AARS2: variants seen among roughly 807,000 people sequenced by gnomAD.
AARS2 encodes the protein alanyl-tRNA synthetase 2, mitochondrial.
In AARS2, 78 loss-of-function variants were observed where a neutral mutation model predicts 119.7. That is an observed-to-expected ratio of 0.65 (90% CI 0.54 to 0.79). AARS2 has a LOEUF of 0.79. Among genes scored for constraint, AARS2 ranks in the 30% least tolerant of loss-of-function variants. AARS2 has a pLI of 0.00. For synonymous variants in AARS2, 502 were observed against 526.3 expected, an observed-to-expected ratio of 0.95 and a Z score of 0.63; for missense variants, 1,157 against 1,291.3, an observed-to-expected ratio of 0.90 and a Z score of 1.59.
chr6:44,309,531 C>T (rs1786170734), intron 5 of AARS2, among the ~76,000 whole-genome samples: 1 of 152,212 alleles, frequency 6.6e-6, no homozygotes, highest in African/African-American at 2.4e-5. Context: ...GTTTTTGGCA[C>T]ATGTCAAGCC....
At position 44,307,048 on chromosome 6, in the gene AARS2, C is replaced by G. The variant is rs1429082989; in HGVS notation, c.1041-17G>C. ...AGAACCAGCCTAAAGGGGTTCAGAG[C>G]CCAGACATGAATCCCCAGCGGCTCA... is the stretch of plus-strand genomic sequence containing the variant. On this transcript the variant is annotated splice_polypyrimidine_tract_variant and intron_variant, in intron 6 of 21. Transcript: ENST00000244571. This position sits in a 1 kb window ranked among gnomAD's most constrained non-coding sequence, Gnocchi z 4.4. 6.2e-7 allele frequency: 1 copy of G among 1,613,756 alleles called. No homozygotes were observed. The highest frequency in any genetic ancestry group is 2.2e-5 in the East Asian group (1 of 44,870).
At chr6:44,312,342 G>A in intron 1 of AARS2, 79 bp from the exon 2 acceptor site, 8 of 1,453,516 alleles carry the variant, frequency 5.5e-6, no homozygotes, top group African/African-American at 2.8e-5. Flanking sequence ...GTGAGGATAG[G>A]GATGGCTGTT....
chr6:44,306,389 G>C lies in AARS2; in HGVS notation c.1191C>G (p.Ile397Met). 2 of 1,614,016 alleles carry C rather than the reference G, an allele frequency of 1.2e-6. No individual in the cohort carries two copies. Among genetic ancestry groups the C allele is most frequent in the Non-Finnish European group, 1.7e-6 (2 of 1,180,002 alleles). ...CCTCGTCCTCTGACACCAGGTTGGCGATCTGAACCAGGCAGAGAAGAAGTG... is the reference window on the plus strand; with the variant it reads ...CCTCGTCCTCTGACACCAGGTTGGCCATCTGAACCAGGCAGAGAAGAAGTG... The part of the protein sequence containing the change: ...YPELQRNSAQ[I>M]ANLVSEDEAA... The change falls in exon 9 of 22, where the codon ATC (isoleucine) becomes ATG (methionine). Residue 397 changes from isoleucine (I) to methionine (M), a missense_variant and splice_region_variant. Transcript: ENST00000244571.
In AARS2 at chr6:44,304,279, G is replaced by C. The variant is rs1304455591; in HGVS notation, c.1909C>G (p.Leu637Val). 2.5e-6 allele frequency: 4 copies of C among 1,614,206 alleles called. No homozygotes were observed. The highest frequency in any genetic ancestry group is 3.4e-6 in the Non-Finnish European group (4 of 1,180,026). Residue 637 changes from leucine to valine, a missense_variant, in exon 14 of 22, where the codon CTG becomes GTG. Transcript: ENST00000244571. ...GCMAKHTATH[L>V]LNWALRQTLG... ...GTCTGCCTCAGTGCCCAGTTCAGCA[G>C]GTGGGTGGCCGTATGCTTCGCCATG... is the stretch of plus-strand genomic sequence containing the variant.
intron 18 of AARS2, 49 bp downstream of exon 18, chr6:44,302,342 G>A: frequency 6.2e-7 from 1 of 1,613,768 alleles, no homozygotes; most frequent in Non-Finnish European, 8.5e-7. Context: ...GGAGGAATAG[G>A]GGAGGTAATA....
intron 5 of AARS2, among the ~76,000 whole-genome samples, chr6:44,308,110 T>C (rs1786019801): frequency 6.6e-6 from 1 of 152,222 alleles, no homozygotes; most frequent in Non-Finnish European, 1.5e-5. Context: ...TTGTCTCTAC[T>C]TCCACTGCTA....
intron 1 of AARS2, 134 bp from the exon 2 acceptor site, chr6:44,312,397 G>T: frequency 2.3e-6 from 2 of 882,870 alleles, no homozygotes; most frequent in Non-Finnish European, 3.4e-6. Flanking sequence ...GTGTAATCTT[G>T]GTCTATGAGG....
chr6:44,306,655 G>A (rs1785881122), intron 7 of AARS2, 123 bp from the exon 8 acceptor site: 2 of 1,225,934 alleles, frequency 1.6e-6, no homozygotes, highest in Non-Finnish European at 2.4e-6. Context: ...GGCTGGGAGA[G>A]GGACTCAAAT....
Position 44,305,519 on chromosome 6 carries a change from A to G in AARS2, c.1434+134T>C. 1 of 1,416,108 alleles carries G rather than the reference A, an allele frequency of 7.1e-7. No homozygotes were observed. The highest frequency in any genetic ancestry group is 1.9e-5 in the Admixed American group (1 of 51,362). 87.7% of individuals were successfully genotyped at this position (1,416,108 alleles called of 1,614,324 possible). On this transcript the variant is annotated intron_variant, in intron 10 of 21. Transcript: ENST00000244571. The surrounding 1 kb of genome is among the most constrained non-coding windows in gnomAD (Gnocchi z 4.6). ...CTGGTTGTGGCCTGAGGTTTTAGAA[A>G]CCTCCCAGGTGAGGGGACAGATCCT...
chr6:44,305,938 G>T lies in AARS2; in HGVS notation c.1301-152C>A. Reference sequence around the variant, plus strand: ...CATACTGGGTAGCCTCAGGAGAGGGGTCACATTCAGGCTTCATGCCTCAAG... The same window carrying T: ...CATACTGGGTAGCCTCAGGAGAGGGTTCACATTCAGGCTTCATGCCTCAAG... On this transcript the variant is annotated intron_variant, in intron 9 of 21. Transcript: ENST00000244571. This position sits in a 1 kb window ranked among gnomAD's most constrained non-coding sequence, Gnocchi z 4.6. 2 of 967,060 alleles carry T rather than the reference G, an allele frequency of 2.1e-6. No homozygotes were observed. The highest frequency in any genetic ancestry group is 3.2e-6 in the Non-Finnish European group (2 of 631,888). 59.9% of individuals were successfully genotyped at this position (967,060 alleles called of 1,614,324 possible).
chr6:44,311,155 A>T lies in AARS2; in HGVS notation c.588T>A (p.Pro196=). ...TRDIWLSLGV[P]ASRVLSFGPQ... ...GTCCAAAGGAAAGCACACGGCTAGC[A>T]GGCACCCTGGGGAGAAAAGCAGGTG... The change falls in exon 4 of 22, where the codon CCT becomes CCA. Residue 196 remains proline, a synonymous_variant. Coordinates refer to ENST00000244571, the MANE Select transcript of AARS2 (RefSeq NM_020745.4). The T allele has an allele frequency of 5.0e-6, 8 of 1,614,110 alleles. No homozygotes were observed. The highest frequency in any genetic ancestry group is 6.8e-6 in the Non-Finnish European group (8 of 1,180,042).
rs1488660615 is a variant in AARS2 at position 44,307,194 on chromosome 6, C to T, written c.1040+55G>A. 1.2e-6 allele frequency: 2 copies of T among 1,612,582 alleles called. No homozygotes were observed. Among genetic ancestry groups the T allele is most frequent in the Non-Finnish European group, 1.7e-6 (2 of 1,179,416 alleles). ...ACCCACCTCTCCTGTTCCCTCCCTC[C>T]TCCACCTGAGACCCCCAGCAGCCCC... On this transcript the variant is annotated intron_variant, in intron 6 of 21. Coordinates refer to ENST00000244571, the MANE Select transcript of AARS2 (RefSeq NM_020745.4). This position sits in a 1 kb window ranked among gnomAD's most constrained non-coding sequence, Gnocchi z 4.4.
At chr6:44,301,098 G>A in intron 21 of AARS2, 58 bp downstream of exon 21, 2 of 1,483,546 alleles carry the variant, frequency 1.3e-6, no homozygotes, top group Non-Finnish European at 1.9e-6. Context: ...TAAAATCAGA[G>A]AGCTGGACCA....
rs1444258438 is a variant in AARS2, at chr6:44,307,399, G to A, written c.895-5C>T. 1 of 1,598,010 alleles carries A rather than the reference G, an allele frequency of 6.3e-7. No homozygotes were observed. The highest frequency in any genetic ancestry group is 8.5e-7 in the Non-Finnish European group (1 of 1,173,740). ...GTAAGGGGGTGCCCTGCAGCCCTGG[G>A]AAGCAGAAGAGTCAGCCAGTGGCCC... On this transcript the variant is annotated splice_region_variant and splice_polypyrimidine_tract_variant and intron_variant, in intron 5 of 21. Coordinates refer to ENST00000244571, the MANE Select transcript of AARS2 (RefSeq NM_020745.4). The surrounding 1 kb of genome is among the most constrained non-coding windows in gnomAD (Gnocchi z 4.4).
intron 17 of AARS2, 92 bp downstream of exon 17, chr6:44,302,710 G>C: frequency 5.5e-6 from 8 of 1,466,716 alleles, no homozygotes; most frequent in Non-Finnish European, 7.5e-6. Context: ...CACTGGCTCT[G>C]CTGCTGGGCA....
In AARS2 at chr6:44,305,282, C is replaced by G. The variant is rs1384270493; in HGVS notation, c.1435-84G>C. 27 of 1,578,428 alleles carry G rather than the reference C, an allele frequency of 1.7e-5. No individual in the cohort carries two copies. The East Asian group carries it at 5.8e-4, about 34-fold the overall frequency. On this transcript the variant is annotated intron_variant, in intron 10 of 21. Transcript: ENST00000244571. This position sits in a 1 kb window ranked among gnomAD's most constrained non-coding sequence, Gnocchi z 4.6. Reference sequence around the variant, plus strand: ...ACTTCAGCCTCGCAGGGCCCTGTCCCTGCCACACAGCTGTGGACTCTGCAG... The same window carrying G: ...ACTTCAGCCTCGCAGGGCCCTGTCCGTGCCACACAGCTGTGGACTCTGCAG...
At position 44,301,455 on chromosome 6, in the gene AARS2, TC is replaced by T. The variant is rs771808127; in HGVS notation, c.2607del (p.Thr871LeufsTer13). 17 of 1,612,530 alleles carry T rather than the reference TC, an allele frequency of 1.1e-5. No individual in the cohort carries two copies. Among genetic ancestry groups the T allele is most frequent in the East Asian group, 2.2e-5 (1 of 44,880 alleles). ...IRKLQMGQAA[K>X]KTQELLERHS... Reference sequence around the variant, plus strand: ...TGCCGCTCCAGCAGCTCCTGAGTTTTCTTTGCAGCCTATGGGGCAGGAAGGA... The same window carrying T: ...TGCCGCTCCAGCAGCTCCTGAGTTTTTTTGCAGCCTATGGGGCAGGAAGGA... On this transcript the variant is annotated frameshift_variant, in exon 20 of 22. Transcript: ENST00000244571. LOFTEE classifies it high-confidence loss of function.
rs1227057440 is a variant in AARS2 at position 44,304,196 on chromosome 6, C to G, written c.1992G>C (p.Leu664Phe). 6 of 1,613,824 alleles carry G rather than the reference C, an allele frequency of 3.7e-6. No individual in the cohort carries two copies. In the East Asian group the frequency reaches 1.3e-4, roughly 36 times the overall value. Residue 664 changes from leucine (L) to phenylalanine (F), a missense_variant, in exon 14 of 22, where the codon TTG becomes TTC. Transcript: ENST00000244571. ...CCGGGCTCACCTGGGTGGTCACATC[C>G]AAGCGCAGCTGCTCAGGATTGAGAT... ...GSHLNPEQLR[L>F]DVTTQTPLTP...
intron 4 of AARS2, 83 bp from the exon 5 acceptor site, chr6:44,310,526 G>C (rs1483171635): frequency 8.9e-6 from 14 of 1,572,838 alleles, no homozygotes; most frequent in Admixed American, 5.1e-5. Flanking sequence ...AGAGAAATGG[G>C]GGGGGGCCCA....
Sources: allele counts gnomAD v4.1 joint callset (sites outside exome capture counted in the v4.1 genomes callset), GRCh38; gene constraint gnomAD v4.1.1; non-coding constraint Gnocchi (gnomAD v3.1); transcripts MANE v1.5; gene names NCBI Gene and HGNC (gene_info 2026-07-23, HGNC 2026-07-21).